The following LGSN variants were observed in gnomAD, a reference collection of about 807,000 sequenced individuals.
LGSN encodes lengsin, lens protein with glutamine synthetase domain.
In LGSN, 21 loss-of-function variants were observed where a neutral mutation model predicts 19.5. The observed-to-expected ratio is 1.07, with a 90% CI of 0.76 to 1.55. The LOEUF is 1.55. Among genes scored for constraint, LGSN ranks in the 40% most tolerant of loss-of-function variants. LGSN has a pLI of 0.00. For synonymous variants in LGSN, 257 were observed against 215.6 expected, an observed-to-expected ratio of 1.19 and a Z score of -1.68; for missense variants, 673 against 608.5, an observed-to-expected ratio of 1.11 and a Z score of -1.12.
chr6:63,336,694 C>T, the LGSN span, among the ~76,000 whole-genome samples: 13 of 151,412 alleles, frequency 8.6e-5, no homozygotes, highest in Admixed American at 4.6e-4. Flanking sequence ...GGCATCATCT[C>T]GGCTCACTGC....
chr6:63,570,567 A>C, the LGSN span, among the ~76,000 whole-genome samples: 2 of 152,216 alleles, frequency 1.3e-5, no homozygotes, highest in African/African-American at 2.4e-5. Flanking sequence ...CAAGGCTCAC[A>C]ACTTGTATCA....
the LGSN span, among the ~76,000 whole-genome samples, chr6:63,484,689 G>A: frequency 6.6e-6 from 1 of 152,190 alleles, no homozygotes; most frequent in African/African-American, 2.4e-5. Flanking sequence ...CTGCAGTTCT[G>A]CATTCTAGAC....
At chr6:63,291,980 A>G (rs1240706569) in intron 2 of LGSN, among the ~76,000 whole-genome samples, 19 of 152,180 alleles carry the variant, frequency 1.2e-4, no homozygotes, top group Admixed American at 1.2e-3. Context: ...GGGAATTCAG[A>G]AAAGCTCTAA....
At chr6:63,396,571 A>C in the LGSN span, 1 of 154,086 alleles carries the variant, frequency 6.5e-6, no homozygotes, top group Admixed American at 6.5e-5. Context: ...TCTCCGCATC[A>C]GTTGTGGCCT....
chr6:63,507,780 G>T, the LGSN span, among the ~76,000 whole-genome samples: 3 of 152,100 alleles, frequency 2.0e-5, no homozygotes, highest in African/African-American at 7.2e-5. Context: ...AAAGAACCCT[G>T]CTTCATAAAA....
the LGSN span, chr6:63,548,791 T>C: frequency 9.6e-6 from 7 of 727,366 alleles, no homozygotes; most frequent in East Asian, 1.7e-4. Flanking sequence ...CCCAGGACAT[T>C]GCCTCCCCAG....
chr6:63,549,476 C>T, the LGSN span: 1 of 787,486 alleles, frequency 1.3e-6, no homozygotes, highest in South Asian at 1.4e-5. Context: ...CCGGAGCCAC[C>T]TTCTTTCCCT....
At chr6:63,290,811 A>G (rs1247321618) in intron 2 of LGSN, among the ~76,000 whole-genome samples, 1 of 152,222 alleles carries the variant, frequency 6.6e-6, no homozygotes, top group Non-Finnish European at 1.5e-5. Context: ...AAAACTGACC[A>G]GCAAGCTGAA....
At chr6:63,437,307 C>G in the LGSN span, among the ~76,000 whole-genome samples, 2 of 152,040 alleles carry the variant, frequency 1.3e-5, no homozygotes, top group African/African-American at 4.8e-5. Flanking sequence ...TTTGCTACCT[C>G]ATTATTCATG....
intron 3 of LGSN, among the ~76,000 whole-genome samples, chr6:63,283,046 G>GAGT (rs1767379292): frequency 6.6e-6 from 1 of 152,094 alleles, no homozygotes; most frequent in Non-Finnish European, 1.5e-5. Flanking sequence ...GTAGAGAACA[G>GAGT]CTGGTTGCCA....
chr6:63,497,177 A>C, the LGSN span, among the ~76,000 whole-genome samples: 3 of 151,868 alleles, frequency 2.0e-5, no homozygotes, highest in Non-Finnish European at 4.4e-5. Context: ...GGGTATTGTT[A>C]TGTTGCACAG....
the LGSN span, among the ~76,000 whole-genome samples, chr6:63,530,146 T>C: frequency 6.6e-6 from 1 of 152,250 alleles, no homozygotes; most frequent in Admixed American, 6.5e-5. Flanking sequence ...GGAAGTCAAA[T>C]TGGAACCATC....
chr6:63,293,710 T>C, intron 2 of LGSN: 1 of 456,420 alleles, frequency 2.2e-6, no homozygotes, highest in South Asian at 1.6e-5. Context: ...TTGGTTGTTG[T>C]TCTGGGGGGC....
At chr6:63,542,091 C>A in the LGSN span, among the ~76,000 whole-genome samples, 1 of 150,000 alleles carries the variant, frequency 6.7e-6, no homozygotes, top group Non-Finnish European at 1.5e-5. Context: ...ACTACTCAGC[C>A]ATAAAAAGGA....
At chr6:63,368,566 C>G in the LGSN span, among the ~76,000 whole-genome samples, 1 of 152,100 alleles carries the variant, frequency 6.6e-6, no homozygotes, top group Non-Finnish European at 1.5e-5. Context: ...CCGGTAACAC[C>G]GTTTAAAATT....
intron 3 of LGSN, among the ~76,000 whole-genome samples, chr6:63,284,736 A>G (rs1042289445): frequency 3.9e-5 from 6 of 152,326 alleles, no homozygotes; most frequent in African/African-American, 1.4e-4. Context: ...ACAAGGAAAC[A>G]ATATCTGCAA....
chr6:63,427,009 C>T, the LGSN span, among the ~76,000 whole-genome samples: 1 of 151,510 alleles, frequency 6.6e-6, no homozygotes, highest in Non-Finnish European at 1.5e-5. Flanking sequence ...AAATAATTAA[C>T]TAATGACTGA....
the LGSN span, among the ~76,000 whole-genome samples, chr6:63,334,962 C>A: frequency 6.6e-6 from 1 of 151,604 alleles, no homozygotes; most frequent in African/African-American, 2.4e-5. Flanking sequence ...CATGGTGAAA[C>A]CCCATCTTTA....
chr6:63,568,904 A>G, the LGSN span, among the ~76,000 whole-genome samples: 1 of 152,184 alleles, frequency 6.6e-6, no homozygotes, highest in East Asian at 1.9e-4. Flanking sequence ...TTACTAGATT[A>G]TGGCCCATTG....
Sources: allele counts gnomAD v4.1 joint callset (sites outside exome capture counted in the v4.1 genomes callset), GRCh38; gene constraint gnomAD v4.1.1; transcripts MANE v1.5; gene names NCBI Gene and HGNC (gene_info 2026-07-23, HGNC 2026-07-21).